The following ULK4 variants were observed in gnomAD, a reference collection of about 807,000 sequenced individuals.
ULK4 encodes unc-51 like kinase 4.
In ULK4, 133 loss-of-function variants were observed where a neutral mutation model predicts 160.6. The observed-to-expected ratio is 0.83, with a 90% CI of 0.72 to 0.96. The LOEUF (loss-of-function observed/expected upper bound fraction) is 0.96. Among genes scored for constraint, ULK4 ranks in the 40% least tolerant of loss-of-function variants. The pLI is 0.00. For synonymous variants in ULK4, 534 were observed against 539.8 expected (o/e 0.99, Z 0.15); for missense variants, 1,580 against 1,499.5 (o/e 1.05, Z -0.89).
At chr3:41,402,849 C>G (rs757127432) in intron 34 of ULK4, among the ~76,000 whole-genome samples, 29 of 152,050 alleles carry the variant, frequency 1.9e-4, no homozygotes, top group Non-Finnish European at 3.7e-4. Flanking sequence ...TAATATCACC[C>G]TCATAAAATG....
intron 35 of ULK4, among the ~76,000 whole-genome samples, chr3:41,310,618 T>C (rs978761356): frequency 6.6e-6 from 1 of 152,134 alleles, no homozygotes; most frequent in Non-Finnish European, 1.5e-5. Flanking sequence ...CAACAAAATC[T>C]AACTTTATGC....
At chr3:41,301,006 C>G (rs893537615) in intron 35 of ULK4, among the ~76,000 whole-genome samples, 5 of 151,260 alleles carry the variant, frequency 3.3e-5, no homozygotes, top group Non-Finnish European at 7.4e-5. Context: ...GACTGAATTC[C>G]TCAGGCTCAG....
chr3:41,892,038 G>A (rs1387263914), intron 16 of ULK4, among the ~76,000 whole-genome samples: 3 of 152,114 alleles, frequency 2.0e-5, no homozygotes, highest in African/African-American at 7.2e-5. Flanking sequence ...CCTTATTCAA[G>A]TATAAAACTC....
intron 22 of ULK4, among the ~76,000 whole-genome samples, chr3:41,753,619 C>T (rs1178860670): frequency 6.6e-6 from 1 of 152,202 alleles, no homozygotes; most frequent in Non-Finnish European, 1.5e-5. Context: ...TAAACTCTCA[C>T]CCCCTGCCCT....
chr3:41,506,627 T>G lies in ULK4; in HGVS notation c.3227-43374A>C, dbSNP rs192354355. Among the ~76,000 whole-genome samples the G allele has an allele frequency of 4.6e-5, 7 of 151,614 alleles. No homozygotes were observed. The East Asian group carries it at 1.4e-3, about 29-fold the overall frequency. ...TTAACATCAACTTCTCTGTTTATTTTCCTTCTCTGCTCTCTATTCCTGACT... is the reference window on the plus strand; with the variant it reads ...TTAACATCAACTTCTCTGTTTATTTGCCTTCTCTGCTCTCTATTCCTGACT... On this transcript the variant is annotated intron_variant, in intron 32 of 36. Coordinates refer to ENST00000301831, the MANE Select transcript of ULK4 (RefSeq NM_017886.4).
At chr3:41,382,140 AT>A (rs2081668157) in intron 35 of ULK4, among the ~76,000 whole-genome samples, 1 of 151,648 alleles carries the variant, frequency 6.6e-6, no homozygotes, top group South Asian at 2.1e-4. Context: ...TTCTCTCTAT[AT>A]TTTTCTTCTT....
intron 35 of ULK4, among the ~76,000 whole-genome samples, chr3:41,257,486 T>G (rs537846101): frequency 6.6e-6 from 1 of 152,012 alleles, no homozygotes; most frequent in South Asian, 2.1e-4. Context: ...TAAATAATAA[T>G]TAGCTGGGTG....
intron 17 of ULK4, among the ~76,000 whole-genome samples, chr3:41,862,461 T>C (rs2125685294): frequency 6.6e-6 from 1 of 152,326 alleles, no homozygotes; most frequent in South Asian, 2.1e-4. Flanking sequence ...TGTTAGCAGA[T>C]ATTCTTCAGT....
At chr3:41,326,953 T>C (rs897707665) in intron 35 of ULK4, among the ~76,000 whole-genome samples, 1 of 152,234 alleles carries the variant, frequency 6.6e-6, no homozygotes, top group Non-Finnish European at 1.5e-5. Context: ...GGCTCTTGAC[T>C]AAATGCAATC....
intron 5 of ULK4, among the ~76,000 whole-genome samples, chr3:41,925,880 C>T (rs1559654447): frequency 1.3e-5 from 2 of 152,200 alleles, no homozygotes; most frequent in East Asian, 3.9e-4. Flanking sequence ...CCCCATCTCC[C>T]TGGGACAGAG....
chr3:41,386,219 T>C (rs762770445), intron 35 of ULK4, among the ~76,000 whole-genome samples: 10 of 152,192 alleles, frequency 6.6e-5, no homozygotes, highest in Non-Finnish European at 1.0e-4. Flanking sequence ...CTCTTATATA[T>C]ACATATTCCT....
intron 11 of ULK4, among the ~76,000 whole-genome samples, chr3:41,908,820 C>T (rs111277902): frequency 0.13 from 19,015 of 151,678 alleles, 1,366 homozygotes; most frequent in Middle Eastern, 0.27. Context: ...GGGCCGAGTG[C>T]GGTGGCTTAC....
chr3:41,873,889 T>G (rs1697208115), intron 17 of ULK4, among the ~76,000 whole-genome samples: 1 of 151,510 alleles, frequency 6.6e-6, no homozygotes, highest in African/African-American at 2.4e-5. Flanking sequence ...TTGTTTTTTT[T>G]TTTTGATGTG....
At chr3:41,533,013 G>A (rs7630036) in intron 32 of ULK4, among the ~76,000 whole-genome samples, 3,437 of 152,308 alleles carry the variant, frequency 0.023, 129 homozygotes, top group African/African-American at 0.078. Context: ...AGGCCTTGCA[G>A]CTTCCACTCA....
intron 5 of ULK4, among the ~76,000 whole-genome samples, chr3:41,921,746 T>A (rs1699191969): frequency 6.6e-6 from 1 of 152,222 alleles, no homozygotes; most frequent in Non-Finnish European, 1.5e-5. Context: ...ACATGGTAAG[T>A]TAAATGGTTT....
intron 25 of ULK4, among the ~76,000 whole-genome samples, chr3:41,714,879 T>C (rs868616045): frequency 7.6e-6 from 1 of 132,054 alleles, no homozygotes; most frequent in Non-Finnish European, 1.5e-5. Flanking sequence ...CTGCACATGA[T>C]TGGACAATAT....
Position 41,786,457 on chromosome 3 carries a change from C to A in ULK4, c.2193+3204G>T, listed in dbSNP as rs2039999053. Among the ~76,000 whole-genome samples, 2 of 152,062 alleles carry A rather than the reference C, an allele frequency of 1.3e-5. 1 individual carries two copies. The highest frequency in any genetic ancestry group is 4.2e-4 in the South Asian group (2 of 4,816). ...CTCTACAAAAAAATACAAAAATTAG[C>A]CAGACATGGCGGTGCACGCCAGTAG... On this transcript the variant is annotated intron_variant, in intron 21 of 36. Coordinates refer to ENST00000301831, the MANE Select transcript of ULK4 (RefSeq NM_017886.4).
At chr3:41,872,499 A>T (rs1697133437) in intron 17 of ULK4, among the ~76,000 whole-genome samples, 1 of 152,212 alleles carries the variant, frequency 6.6e-6, no homozygotes, top group African/African-American at 2.4e-5. Flanking sequence ...CTTTCTGCCT[A>T]AACTCTATGC....
intron 31 of ULK4, among the ~76,000 whole-genome samples, chr3:41,605,741 A>G (rs557594451): frequency 6.6e-6 from 1 of 152,030 alleles, no homozygotes; most frequent in Admixed American, 6.6e-5. Context: ...GACTTGAACA[A>G]CAATGACAAC....
Sources: gnomAD v4.1 joint callset for allele counts (sites outside exome capture counted in the v4.1 genomes callset) on GRCh38, gnomAD v4.1.1 for gene constraint, MANE v1.5 for transcripts, NCBI Gene and HGNC (gene_info 2026-07-23, HGNC 2026-07-21) for gene names.